The following SLIT2 variants were observed in gnomAD, a reference collection of about 807,000 sequenced individuals.
The protein encoded by SLIT2 is slit guidance ligand 2.
Under a neutral mutation model 185.7 loss-of-function variants are expected in SLIT2, and 41 were observed. That is an observed-to-expected ratio of 0.22 (90% confidence interval 0.17 to 0.29). SLIT2 has a LOEUF of 0.29. Among genes scored for constraint, SLIT2 ranks in the 10% least tolerant of loss-of-function variants. SLIT2 has a pLI of 1.00. For missense variants in SLIT2, 1,571 were observed against 1,909.0 expected (o/e 0.82, Z 3.30); for synonymous variants, 693 against 680.2 (o/e 1.02, Z -0.29).
At chr4:20,392,875 C>T (rs1441902040) in intron 4 of SLIT2, among the ~76,000 whole-genome samples, 1 of 151,976 alleles carries the variant, frequency 6.6e-6, no homozygotes, top group Non-Finnish European at 1.5e-5. Context: ...TCTAGAGTAC[C>T]TCCTGAAGAA....
intron 26 of SLIT2, among the ~76,000 whole-genome samples, chr4:20,567,007 A>G (rs1180462206): frequency 6.6e-6 from 1 of 151,950 alleles, no homozygotes; most frequent in Admixed American, 6.6e-5. Context: ...TGGCACCATT[A>G]ACATCAGATA....
intron 26 of SLIT2, among the ~76,000 whole-genome samples, chr4:20,556,890 T>C (rs750402759): frequency 2.3e-4 from 35 of 151,930 alleles, no homozygotes; most frequent in Non-Finnish European, 3.8e-4. Flanking sequence ...AACAGACCAA[T>C]GATAAGAAAA....
intron 30 of SLIT2, among the ~76,000 whole-genome samples, chr4:20,592,791 T>G (rs997324527): frequency 2.0e-5 from 3 of 152,184 alleles, no homozygotes; most frequent in African/African-American, 7.2e-5. Flanking sequence ...TATGGCCACT[T>G]AGAGTCTATT....
At chr4:20,516,603 T>C (rs1358538907) in intron 11 of SLIT2, among the ~76,000 whole-genome samples, 1 of 152,186 alleles carries the variant, frequency 6.6e-6, no homozygotes, top group African/African-American at 2.4e-5. Flanking sequence ...GATATTTCTT[T>C]CCCTCATTTT....
At chr4:20,599,314 C>T (rs1404568728) in intron 33 of SLIT2, among the ~76,000 whole-genome samples, 2 of 152,050 alleles carry the variant, frequency 1.3e-5, no homozygotes, top group Admixed American at 6.5e-5. Context: ...ACACCAATTC[C>T]CTAACATCCT....
Position 20,255,055 on chromosome 4 carries a change from G to A in SLIT2, c.179+1061G>A, listed in dbSNP as rs1577326891. 1.1e-5 allele frequency: 5 copies of A among 456,162 alleles called. No homozygotes were observed. In the East Asian group the frequency reaches 2.1e-4, roughly 19 times the overall value. 28.3% of individuals were successfully genotyped at this position (456,162 alleles called of 1,614,324 possible). ...TTGTGAACGCCGAGGCCGCCGCCCC[G>A]CGCCAGTCCGGCCGCCCTAGGCACG... On this transcript the variant is annotated intron_variant, in intron 1 of 36. Transcript: ENST00000504154.
intron 6 of SLIT2, among the ~76,000 whole-genome samples, chr4:20,481,054 A>G (rs976003021): frequency 2.0e-5 from 3 of 152,006 alleles, no homozygotes; most frequent in Admixed American, 2.0e-4. Flanking sequence ...AGAATTTGTC[A>G]TTGCTAAATA....
chr4:20,280,521 G>A (rs1714649441), intron 4 of SLIT2, among the ~76,000 whole-genome samples: 3 of 152,136 alleles, frequency 2.0e-5, no homozygotes, highest in South Asian at 4.1e-4. Context: ...TGCCCAATGT[G>A]TTCACCATCC....
chr4:20,608,098 G>A (rs957675993), intron 33 of SLIT2, among the ~76,000 whole-genome samples: 1 of 152,070 alleles, frequency 6.6e-6, no homozygotes, highest in East Asian at 1.9e-4. Context: ...GATCGTGGTT[G>A]GGTGGGGGAC....
intron 4 of SLIT2, among the ~76,000 whole-genome samples, chr4:20,385,841 A>G (rs763748169): frequency 2.0e-5 from 3 of 152,178 alleles, no homozygotes; most frequent in Non-Finnish European, 2.9e-5. Flanking sequence ...AAATAAAACC[A>G]TACAGTTTCT....
chr4:20,470,732 T>C (rs1714900656), intron 5 of SLIT2, among the ~76,000 whole-genome samples: 1 of 152,076 alleles, frequency 6.6e-6, no homozygotes, highest in African/African-American at 2.4e-5. Flanking sequence ...CCCGCCACCA[T>C]ACCTGGCTAA....
At chr4:20,414,659 C>T (rs919553278) in intron 4 of SLIT2, among the ~76,000 whole-genome samples, 10 of 152,218 alleles carry the variant, frequency 6.6e-5, no homozygotes, top group African/African-American at 2.2e-4. Flanking sequence ...TGACATCTTC[C>T]CTCCCACCCT....
intron 29 of SLIT2, among the ~76,000 whole-genome samples, chr4:20,588,525 A>G (rs1324471942): frequency 1.3e-5 from 2 of 152,198 alleles, no homozygotes; most frequent in East Asian, 1.9e-4. Flanking sequence ...TAGATGTGTC[A>G]CTTTATTTGT....
chr4:20,594,269 G>T (rs1238277587), intron 30 of SLIT2, among the ~76,000 whole-genome samples: 1 of 149,472 alleles, frequency 6.7e-6, no homozygotes, highest in Admixed American at 6.6e-5. Context: ...ACACGCATAT[G>T]TATGTGTGTA....
chr4:20,472,236 ATC>A (rs1491469093), intron 5 of SLIT2, among the ~76,000 whole-genome samples: 9 of 51,832 alleles, frequency 1.7e-4, no homozygotes, highest in South Asian at 7.0e-4. Context: ...ATATATATAG[ATC>A]TATATATCTA....
intron 3 of SLIT2, among the ~76,000 whole-genome samples, chr4:20,261,337 T>C (rs1712449319): frequency 6.6e-6 from 1 of 151,918 alleles, no homozygotes; most frequent in Admixed American, 6.6e-5. Flanking sequence ...TCAGGACACT[T>C]AGGAAGTATA....
intron 4 of SLIT2, among the ~76,000 whole-genome samples, chr4:20,323,013 A>G (rs1469290844): frequency 6.6e-6 from 1 of 152,226 alleles, no homozygotes; most frequent in Non-Finnish European, 1.5e-5. Context: ...TTAGATCCTC[A>G]TCACAACCCT....
intron 21 of SLIT2, among the ~76,000 whole-genome samples, chr4:20,543,967 G>T (rs892652196): frequency 2.0e-5 from 3 of 152,044 alleles, no homozygotes; most frequent in Admixed American, 6.6e-5. Flanking sequence ...AAAGCTAGAT[G>T]CCTATAGAAT....
At chr4:20,596,338 T>C (rs1359075429) in intron 31 of SLIT2, 77 bp from the exon 32 acceptor site, 5 of 1,364,630 alleles carry the variant, frequency 3.7e-6, no homozygotes, top group Middle Eastern at 1.8e-4. Flanking sequence ...TATACAGTTA[T>C]GTTATACAGC....
Sources: gnomAD v4.1 joint callset for allele counts (sites outside exome capture counted in the v4.1 genomes callset) on GRCh38, gnomAD v4.1.1 for gene constraint, MANE v1.5 for transcripts, NCBI Gene and HGNC (gene_info 2026-07-23, HGNC 2026-07-21) for gene names.